The following GRID2IP variants were observed in gnomAD, a reference collection of about 807,000 sequenced individuals.
GRID2IP encodes delphilin.
GRID2IP carries 78 observed loss-of-function variants against 114.3 expected under a neutral mutation model. The observed-to-expected ratio is 0.68, with a 90% CI of 0.57 to 0.82. The LOEUF is 0.82. Among genes scored for constraint, GRID2IP ranks in the 40% least tolerant of loss-of-function variants. The pLI is 0.00. For missense variants in GRID2IP, 1,727 were observed against 1,678.5 expected, an observed-to-expected ratio of 1.03 and a Z score of -0.51; for synonymous variants, 809 against 724.0, an observed-to-expected ratio of 1.12 and a Z score of -1.89.
intron 8 of GRID2IP, among the ~76,000 whole-genome samples, 164 bp from the exon 9 acceptor site, chr7:6,511,203 A>G (rs1191995938): frequency 6.6e-6 from 1 of 152,198 alleles, no homozygotes; most frequent in African/African-American, 2.4e-5. Context: ...GGGAAGCCCC[A>G]GGGCAAGAAA....
At position 6,551,335 on chromosome 7, in the gene GRID2IP, C is replaced by G. The variant is rs914349575; in HGVS notation, c.102G>C (p.Lys34Asn). 14 of 1,548,142 alleles carry G rather than the reference C, an allele frequency of 9.0e-6. No homozygotes were observed. Among genetic ancestry groups the G allele is most frequent in the African/African-American group, 4.1e-5 (3 of 73,026 alleles). Residue 34 changes from lysine to asparagine, a missense_variant, in exon 1 of 22, where the codon AAG becomes AAC. Coordinates refer to ENST00000457091, the MANE Select transcript of GRID2IP (RefSeq NM_001145118.2). Reference protein sequence around the residue: ...SGPCFVLEVAKGSSAHAGGLR... With the variant: ...SGPCFVLEVANGSSAHAGGLR... ...GTCCTCCGGCATGCGCGCTGCTCCC[C>G]TTGGCCACCTCCAGGACGAAGCAGG...
rs1221706061 is a variant in GRID2IP, at chr7:6,536,801, C to G, written c.584+2917G>C. 2 of 702,544 alleles carry G rather than the reference C, an allele frequency of 2.8e-6. No homozygotes were observed. The highest frequency in any genetic ancestry group is 3.0e-5 in the South Asian group (2 of 67,582). 43.5% of individuals were successfully genotyped at this position (702,544 alleles called of 1,614,324 possible). A position where few individuals can be genotyped will look rare whatever the true frequency, so the allele number is the denominator to read the frequency against. ...TTTCCTTTTTTCCCCTCTTCTGATT[C>G]TCCTAGCAAGGGGCTCACCCCTTAC... On this transcript the variant is annotated intron_variant, in intron 2 of 21. Coordinates refer to ENST00000457091, the MANE Select transcript of GRID2IP (RefSeq NM_001145118.2). This position sits in a 1 kb window ranked among gnomAD's most constrained non-coding sequence, Gnocchi z 5.3.
chr7:6,531,201 T>G, intron 2 of GRID2IP: 1 of 450,514 alleles, frequency 2.2e-6, no homozygotes, highest in Non-Finnish European at 3.9e-6. Flanking sequence ...ACCTCTGCCC[T>G]GCGAGCGCGC....
Position 6,521,424 on chromosome 7 carries a change from C to A in GRID2IP, c.1084+5G>T. 1 of 1,537,054 alleles carries A rather than the reference C, an allele frequency of 6.5e-7. No homozygotes were observed. The highest frequency in any genetic ancestry group is 1.2e-5 in the South Asian group (1 of 81,612). ...AAGGAAGCCAAGTGTCCATGGGGGT[C>A]TCACCACTGGCAAATGGGACGAGCC... is the stretch of plus-strand genomic sequence containing the variant. On this transcript the variant is annotated splice_donor_5th_base_variant and intron_variant, in intron 6 of 21. Transcript: ENST00000457091. This position sits in a 1 kb window ranked among gnomAD's most constrained non-coding sequence, Gnocchi z 4.1.
intron 16 of GRID2IP, 102 bp from the exon 17 acceptor site, chr7:6,503,265 G>A (rs1352393456): frequency 4.2e-6 from 5 of 1,184,804 alleles, no homozygotes; most frequent in Non-Finnish European, 5.8e-6. Context: ...GGCTGCTTCG[G>A]CCCGATATTC....
rs958851065 is a variant in GRID2IP, at chr7:6,539,861, G to T, written c.441C>A (p.Ile147=). The change falls in exon 2 of 22, where the codon ATC becomes ATA. Residue 147 remains isoleucine (I), a synonymous_variant. Transcript: ENST00000457091. The stretch of plus-strand genomic sequence containing the variant: ...CCTTGGCAGTTGGCTGGTCCCCCAA[G>T]ATTTCATCCACCTGCAAGGAGGAGT... ...AQEFSRKVDE[I]LGDQPTAKEQ... 6.4e-7 allele frequency: 1 copy of T among 1,551,194 alleles called. No individual in the cohort carries two copies. The highest frequency in any genetic ancestry group is 8.7e-7 in the Non-Finnish European group (1 of 1,146,826).
At chr7:6,530,721 A>T (rs7804541) in intron 2 of GRID2IP, among the ~76,000 whole-genome samples, 57,879 of 152,030 alleles carry the variant, frequency 0.38, 14,122 homozygotes, top group Non-Finnish European at 0.55. Context: ...CGATTTTCAC[A>T]AGAGCACCCA....
In GRID2IP at chr7:6,523,959, G is replaced by C. The variant is rs920804452; in HGVS notation, c.920-2002C>G. Among the ~76,000 whole-genome samples the C allele has an allele frequency of 6.6e-6, 1 of 152,188 alleles. No individual in the cohort carries two copies. The highest frequency in any genetic ancestry group is 2.4e-5 in the African/African-American group (1 of 41,438). On this transcript the variant is annotated intron_variant, in intron 4 of 21. Transcript: ENST00000457091. This position sits in a 1 kb window ranked among gnomAD's most constrained non-coding sequence, Gnocchi z 4.5. ...GAGGAGAGATTAATCACTTCTAGAGGAAGCTCTCCAGAGAGCAGCTTTGGG... is the reference window on the plus strand; with the variant it reads ...GAGGAGAGATTAATCACTTCTAGAGCAAGCTCTCCAGAGAGCAGCTTTGGG...
At chr7:6,544,480 C>T (rs1044024902) in intron 1 of GRID2IP, among the ~76,000 whole-genome samples, 1 of 151,548 alleles carries the variant, frequency 6.6e-6, no homozygotes, top group East Asian at 2.0e-4. Flanking sequence ...AGGGTTTCTC[C>T]ATGTTGGCCA....
chr7:6,529,303 T>A (rs1367610833), intron 2 of GRID2IP, among the ~76,000 whole-genome samples: 1 of 151,946 alleles, frequency 6.6e-6, no homozygotes, highest in Non-Finnish European at 1.5e-5. Context: ...ATACAAAACT[T>A]AGCCGGGCAT....
rs1779412880 is a variant in GRID2IP at position 6,521,616 on chromosome 7, C to T, written c.990-93G>A. On this transcript the variant is annotated intron_variant, in intron 5 of 21. Transcript: ENST00000457091. This position sits in a 1 kb window ranked among gnomAD's most constrained non-coding sequence, Gnocchi z 4.1. Reference sequence around the variant, plus strand: ...CTCCCTGTCCTGCCCACAGAGGTCACACAGCAAGACCACCTCTGTGTGACT... The same window carrying T: ...CTCCCTGTCCTGCCCACAGAGGTCATACAGCAAGACCACCTCTGTGTGACT... The T allele has an allele frequency of 7.0e-6, 6 of 858,066 alleles. No individual in the cohort carries two copies. The East Asian group carries it at 1.6e-4, about 23-fold the overall frequency. The allele number at this position is 858,066 out of a possible 1,614,324, so 53.2% of individuals were successfully genotyped here.
chr7:6,515,195 C>T (rs1021257363), intron 7 of GRID2IP, among the ~76,000 whole-genome samples: 1 of 152,114 alleles, frequency 6.6e-6, no homozygotes, highest in African/African-American at 2.4e-5. Context: ...GGCGTGGCGG[C>T]TCACGCCTGT....
rs1779449787 is a variant in GRID2IP at position 6,523,391 on chromosome 7, G to A, written c.920-1434C>T. On this transcript the variant is annotated intron_variant, in intron 4 of 21. Coordinates refer to ENST00000457091, the MANE Select transcript of GRID2IP (RefSeq NM_001145118.2). This position sits in a 1 kb window ranked among gnomAD's most constrained non-coding sequence, Gnocchi z 4.5. Reference sequence around the variant, plus strand: ...AGAGGTTGTCGCAGGGGATCAAAGAGCACTGGGCCAGGAGTCAGGAGATCC... The same window carrying A: ...AGAGGTTGTCGCAGGGGATCAAAGAACACTGGGCCAGGAGTCAGGAGATCC... 6.6e-6 allele frequency among the ~76,000 whole-genome samples: 1 copy of A among 152,072 alleles called. No homozygotes were observed. Among genetic ancestry groups the A allele is most frequent in the African/African-American group, 2.4e-5 (1 of 41,410 alleles).
At position 6,551,069 on chromosome 7, in the gene GRID2IP, C is replaced by A. The variant is rs1291160096; in HGVS notation, c.368G>T (p.Arg123Leu). The A allele has an allele frequency of 7.1e-5, 93 of 1,309,606 alleles. No homozygotes were observed. The highest frequency in any genetic ancestry group is 8.4e-5 in the Non-Finnish European group (87 of 1,033,178). The allele number at this position is 1,309,606 out of a possible 1,614,324, so 81.1% of individuals were successfully genotyped here. ...TCGGTGCACCGCGTCCGGGCGCTTG[C>A]GGCCGGCCAGGCGAAGCAGCTCACG... is the stretch of plus-strand genomic sequence containing the variant. The part of the protein sequence containing the change: ...LGRELLRLAG[R>L]KRPDAVHRER... Residue 123 changes from arginine to leucine, a missense_variant, in exon 1 of 22, where the codon CGC (arginine) becomes CTC (leucine). Arg to Leu is a moderately radical substitution (Grantham distance 102). Transcript: ENST00000457091.
In GRID2IP at chr7:6,526,724, C is replaced by T; in HGVS notation, c.630G>A (p.Val210=). The change falls in exon 3 of 22, where the codon GTG becomes GTA. Residue 210 remains valine (V), a synonymous_variant. Coordinates refer to ENST00000457091, the MANE Select transcript of GRID2IP (RefSeq NM_001145118.2). This position sits in a 1 kb window ranked among gnomAD's most constrained non-coding sequence, Gnocchi z 7.6. ...ACAGCTTGCCCAGGAGGCCCTGAGACACCACCTCGTCGAAGCGCGCCCGGT... is the reference window on the plus strand; with the variant it reads ...ACAGCTTGCCCAGGAGGCCCTGAGATACCACCTCGTCGAAGCGCGCCCGGT... ...KKHRARFDEV[V]SQGLLGKLCR... 1 of 1,524,114 alleles carries T rather than the reference C, an allele frequency of 6.6e-7. No homozygotes were observed. Among genetic ancestry groups the T allele is most frequent in the Non-Finnish European group, 8.8e-7 (1 of 1,135,918 alleles). The allele number at this position is 1,524,114 out of a possible 1,614,324, so 94.4% of individuals were successfully genotyped here.
In GRID2IP at chr7:6,536,804, C is replaced by T; in HGVS notation, c.584+2914G>A. 1 of 702,424 alleles carries T rather than the reference C, an allele frequency of 1.4e-6. No individual in the cohort carries two copies. The highest frequency in any genetic ancestry group is 1.5e-5 in the South Asian group (1 of 67,586). The allele number at this position is 702,424 out of a possible 1,614,324, so 43.5% of individuals were successfully genotyped here. A position where few individuals can be genotyped will look rare whatever the true frequency, so the allele number is the denominator to read the frequency against. ...CCTTTTTTCCCCTCTTCTGATTCTC[C>T]TAGCAAGGGGCTCACCCCTTACTCA... On this transcript the variant is annotated intron_variant, in intron 2 of 21. Coordinates refer to ENST00000457091, the MANE Select transcript of GRID2IP (RefSeq NM_001145118.2). This position sits in a 1 kb window ranked among gnomAD's most constrained non-coding sequence, Gnocchi z 5.3.
chr7:6,508,122 G>T lies in GRID2IP; in HGVS notation c.2407C>A (p.Leu803Met). The stretch of plus-strand genomic sequence containing the variant: ...GGTGCACAGGGCACGGGTGGGGGCA[G>T]GGGCGGTGGGGGTGGTGGAGGGACT... ...HPVPPPPPPP[L>M]PPPVPCAPPM... The change falls in exon 13 of 22, where the codon CTG (leucine) becomes ATG (methionine). Residue 803 changes from leucine (L) to methionine (M), a missense_variant. Coordinates refer to ENST00000457091, the MANE Select transcript of GRID2IP (RefSeq NM_001145118.2). The surrounding 1 kb of genome is among the most constrained non-coding windows in gnomAD (Gnocchi z 5.6). The T allele has an allele frequency of 6.6e-7, 1 of 1,518,320 alleles. No individual in the cohort carries two copies. The highest frequency in any genetic ancestry group is 8.8e-7 in the Non-Finnish European group (1 of 1,133,330). 94.1% of individuals were successfully genotyped at this position (1,518,320 alleles called of 1,614,324 possible).
intron 2 of GRID2IP, among the ~76,000 whole-genome samples, chr7:6,537,450 TC>T (rs966014624): frequency 7.7e-6 from 1 of 130,338 alleles, no homozygotes; most frequent in Non-Finnish European, 1.6e-5. Context: ...TGATCTCAGC[TC>T]ACCGCAACCT....
chr7:6,512,895 T>A (rs1779206296), intron 8 of GRID2IP, among the ~76,000 whole-genome samples: 1 of 152,148 alleles, frequency 6.6e-6, no homozygotes, highest in Non-Finnish European at 1.5e-5. Flanking sequence ...TGACCTCAAG[T>A]GATCCACCCA....
Sources: gnomAD v4.1 joint callset for allele counts (sites outside exome capture counted in the v4.1 genomes callset) on GRCh38, gnomAD v4.1.1 for gene constraint, Gnocchi (gnomAD v3.1) non-coding constraint, MANE v1.5 for transcripts, NCBI Gene and HGNC (gene_info 2026-07-23, HGNC 2026-07-21) for gene names.